The following STK3 variants were observed in gnomAD, a reference collection of about 807,000 sequenced individuals.
STK3 encodes the protein serine/threonine-protein kinase 3.
STK3 carries 41 observed loss-of-function variants against 58.0 expected under a neutral mutation model. The observed-to-expected ratio is 0.71, with a 90% CI of 0.55 to 0.92. The LOEUF is 0.92. Ranked by LOEUF, STK3 falls within the 40% of genes least tolerant of loss-of-function variation. STK3 has a pLI of 0.00. For missense variants in STK3, 479 were observed against 602.7 expected, an observed-to-expected ratio of 0.79 and a Z score of 2.15; for synonymous variants, 170 against 191.0, an observed-to-expected ratio of 0.89 and a Z score of 0.91.
At chr8:98,834,265 A>C (rs982666963) in intron 3 of STK3, among the ~76,000 whole-genome samples, 1 of 152,182 alleles carries the variant, frequency 6.6e-6, no homozygotes, top group Non-Finnish European at 1.5e-5. Context: ...AATTCTACTT[A>C]TAACTGCTGC....
chr8:98,690,985 A>C (rs1824365109), intron 6 of STK3, among the ~76,000 whole-genome samples: 1 of 152,222 alleles, frequency 6.6e-6, no homozygotes, highest in Non-Finnish European at 1.5e-5. Context: ...GCATGTTCTT[A>C]CTTATAAGTG....
intron 6 of STK3, among the ~76,000 whole-genome samples, chr8:98,673,454 G>A (rs143554204): frequency 4.9e-4 from 75 of 152,210 alleles, no homozygotes; most frequent in Non-Finnish European, 8.5e-4. Context: ...AATAAAATGC[G>A]TGCTACAACA....
intron 1 of STK3, among the ~76,000 whole-genome samples, chr8:98,385,167 CG>C (rs889467239): frequency 5.9e-5 from 9 of 151,816 alleles, no homozygotes; most frequent in Non-Finnish European, 8.8e-5. Context: ...GATGGGTCCC[CG>C]AGAAGAAACC....
At chr8:98,675,589 G>A (rs1439268855) in intron 6 of STK3, among the ~76,000 whole-genome samples, 1 of 151,960 alleles carries the variant, frequency 6.6e-6, no homozygotes, top group Non-Finnish European at 1.5e-5. Context: ...CGGGCTGGGC[G>A]TGGTGGCTCA....
intron 6 of STK3, among the ~76,000 whole-genome samples, chr8:98,659,145 T>C (rs1821775733): frequency 6.6e-6 from 1 of 152,086 alleles, no homozygotes; most frequent in South Asian, 2.1e-4. Context: ...TCTCAGAATG[T>C]ATTTCCATCA....
At chr8:98,838,988 T>TTGTGTGTG (rs35564732) in intron 3 of STK3, among the ~76,000 whole-genome samples, 1 of 144,982 alleles carries the variant, frequency 6.9e-6, no homozygotes, top group Non-Finnish European at 1.5e-5. Context: ...TTTGTTTGTT[T>TTGTGTGTG]TGTGTGTGTG....
At chr8:98,772,678 G>T (rs759216987) in intron 2 of STK3, among the ~76,000 whole-genome samples, 4 of 151,992 alleles carry the variant, frequency 2.6e-5, no homozygotes, top group African/African-American at 9.7e-5. Flanking sequence ...GCTGGATGAC[G>T]AGAGTGAAAC....
chr8:98,726,335 A>G (rs1384594009), intron 4 of STK3, among the ~76,000 whole-genome samples: 1 of 152,220 alleles, frequency 6.6e-6, no homozygotes, highest in Non-Finnish European at 1.5e-5. Flanking sequence ...ATAATGTGGA[A>G]AAATCATAAA....
At chr8:98,862,827 G>C (rs974904458) in intron 3 of STK3, among the ~76,000 whole-genome samples, 9 of 152,182 alleles carry the variant, frequency 5.9e-5, no homozygotes, top group African/African-American at 1.7e-4. Context: ...AACCAAGGTA[G>C]GACTTAATTG....
chr8:98,825,946 G>T (rs1835274488), upstream of STK3, among the ~76,000 whole-genome samples: 1 of 148,466 alleles, frequency 6.7e-6, no homozygotes, highest in East Asian at 2.0e-4. Flanking sequence ...GGCGGGGGGC[G>T]GAGCCTGCCG....
intron 1 of STK3, among the ~76,000 whole-genome samples, chr8:98,927,570 A>C (rs897307168): frequency 5.3e-5 from 8 of 152,258 alleles, no homozygotes; most frequent in Admixed American, 2.6e-4. Context: ...TTATCATATA[A>C]TTTGATAAGG....
At chr8:98,426,305 T>C (rs1313104956) in intron 3 of STK3, among the ~76,000 whole-genome samples, 1 of 152,144 alleles carries the variant, frequency 6.6e-6, no homozygotes, top group Non-Finnish European at 1.5e-5. Flanking sequence ...TGCCGACGCA[T>C]CTTCCCATCC....
chr8:98,783,835 C>T (rs543861161), intron 1 of STK3, among the ~76,000 whole-genome samples: 2 of 152,240 alleles, frequency 1.3e-5, no homozygotes, highest in East Asian at 3.9e-4. Flanking sequence ...TTGGAAATAG[C>T]AAGATAGTGT....
the STK3 span, among the ~76,000 whole-genome samples, chr8:98,345,419 C>A: frequency 6.6e-5 from 10 of 152,118 alleles, no homozygotes; most frequent in South Asian, 2.1e-3. Context: ...TTTTACTCCC[C>A]TTTTCTGCTT....
chr8:98,455,825 CAG>C lies in STK3; in HGVS notation c.*15_*16del, dbSNP rs1819447198. 1.2e-6 allele frequency: 2 copies of C among 1,612,826 alleles called. No individual in the cohort carries two copies. The highest frequency in any genetic ancestry group is 1.7e-5 in the Admixed American group (1 of 59,872). On this transcript the variant is annotated 3_prime_UTR_variant, in exon 11 of 11. Coordinates refer to ENST00000419617, the MANE Select transcript of STK3 (RefSeq NM_006281.4). ...TCTTGGTCTCCAGAATAGTTAAAAA[CAG>C]AGAGGAAATTAGACTCAAAAGTTTT...
chr8:98,489,083 C>T (rs557588509), intron 10 of STK3, among the ~76,000 whole-genome samples: 1 of 152,206 alleles, frequency 6.6e-6, no homozygotes, highest in East Asian at 1.9e-4. Context: ...GCTCTCGATG[C>T]AGAAACTGAT....
At chr8:98,825,760 CCCGCCCCGCCCCCGG>C (rs1835236878), upstream of STK3, 1 of 283,724 alleles carries the variant, frequency 3.5e-6, no homozygotes, top group Non-Finnish European at 4.8e-6. Context: ...CCCCGGCCGC[CCCGCCCCGCCCCCGG>C]CCGCCCCGCC....
intron 4 of STK3, among the ~76,000 whole-genome samples, chr8:98,712,318 A>C (rs1826536816): frequency 6.6e-6 from 1 of 152,244 alleles, no homozygotes; most frequent in African/African-American, 2.4e-5. Flanking sequence ...AAATGCTCCA[A>C]TTAAAAGACA....
rs191724361 is a variant in STK3, at chr8:98,512,052, T to C, written c.1317+14690A>G. Among the ~76,000 whole-genome samples, 59 of 152,228 alleles carry C rather than the reference T, an allele frequency of 3.9e-4. 1 individual carries two copies. The highest frequency in any genetic ancestry group is 3.4e-3 in the Middle Eastern group (1 of 294). ...TTGTTACATATGTATACATGTGTCA[T>C]GTTGGTGTGCTGCACCCATTAACTC... On this transcript the variant is annotated intron_variant, in intron 10 of 10. Transcript: ENST00000419617.
Sources: gnomAD v4.1 joint callset for allele counts (sites outside exome capture counted in the v4.1 genomes callset) on GRCh38, gnomAD v4.1.1 for gene constraint, MANE v1.5 for transcripts, NCBI Gene and HGNC (gene_info 2026-07-23, HGNC 2026-07-21) for gene names.